RBFOX1: variants seen among roughly 807,000 people sequenced by gnomAD.
RBFOX1 encodes RNA binding protein fox-1 homolog 1.
In RBFOX1, 8 loss-of-function variants were observed where a neutral mutation model predicts 57.7. The observed-to-expected ratio is 0.14, with a 90% CI of 0.08 to 0.25. The LOEUF is 0.25. Ranked by LOEUF, RBFOX1 falls within the 10% of genes least tolerant of loss-of-function variation. RBFOX1 has a pLI of 1.00. For missense variants in RBFOX1, 611 were observed against 548.5 expected (o/e 1.11, Z -1.14); for synonymous variants, 326 against 222.4 (o/e 1.47, Z -4.15).
At chr16:5,870,744 A>C (rs1450928689) in intron 4 of RBFOX1, among the ~76,000 whole-genome samples, 3 of 152,018 alleles carry the variant, frequency 2.0e-5, no homozygotes, top group Non-Finnish European at 4.4e-5. Context: ...GCAATTCATC[A>C]AAACAAGCGA....
chr16:5,474,852 G>C (rs1291808269), intron 2 of RBFOX1, among the ~76,000 whole-genome samples: 1 of 152,140 alleles, frequency 6.6e-6, no homozygotes, highest in South Asian at 2.1e-4. Context: ...CATATTCTGA[G>C]CCCATGCTAT....
At chr16:6,544,929 A>C (rs1274653954) in intron 2 of RBFOX1, among the ~76,000 whole-genome samples, 1 of 152,166 alleles carries the variant, frequency 6.6e-6, no homozygotes, top group African/African-American at 2.4e-5. Flanking sequence ...ATTAGTTAAG[A>C]GTTTATTTTC....
intron 1 of RBFOX1, among the ~76,000 whole-genome samples, chr16:6,258,738 T>C (rs933114989): frequency 2.6e-5 from 4 of 152,170 alleles, no homozygotes; most frequent in Non-Finnish European, 5.9e-5. Context: ...CCATTGTAGA[T>C]TTAAAAATAA....
intron 2 of RBFOX1, among the ~76,000 whole-genome samples, chr16:6,613,024 T>TGTGTGTGTGTGA (rs1323976569): frequency 6.6e-6 from 1 of 150,708 alleles, no homozygotes; most frequent in African/African-American, 2.4e-5. Context: ...TGTGTGTGTG[T>TGTGTGTGTGTGA]GTGTGTGTGT....
chr16:6,539,505 C>G (rs142678208), intron 2 of RBFOX1, among the ~76,000 whole-genome samples: 278 of 152,138 alleles, frequency 1.8e-3, no homozygotes, highest in African/African-American at 6.5e-3. Context: ...TTCTTTAAAA[C>G]ACACACGTAC....
chr16:6,193,293 T>C, intron 1 of RBFOX1, among the ~76,000 whole-genome samples: 1 of 148,910 alleles, frequency 6.7e-6, no homozygotes, highest in Non-Finnish European at 1.5e-5. Flanking sequence ...TCAGATTATC[T>C]CTTCGTGGGA....
chr16:7,653,308 C>T (rs185465788), intron 11 of RBFOX1, among the ~76,000 whole-genome samples: 153 of 152,178 alleles, frequency 1.0e-3, no homozygotes, highest in Non-Finnish European at 1.4e-3. Context: ...CAAGACCAGC[C>T]GGGGCAACAA....
At chr16:5,824,719 G>A (rs2055976289) in intron 3 of RBFOX1, among the ~76,000 whole-genome samples, 2 of 152,174 alleles carry the variant, frequency 1.3e-5, no homozygotes, top group South Asian at 2.1e-4. Flanking sequence ...CTCTTCCCAC[G>A]CTGCAGGCTC....
At chr16:7,062,192 G>T (rs575376763) in intron 4 of RBFOX1, among the ~76,000 whole-genome samples, 7 of 151,640 alleles carry the variant, frequency 4.6e-5, no homozygotes, top group African/African-American at 1.7e-4. Context: ...GGTGGCGGGT[G>T]CCTGCAGTTC....
intron 3 of RBFOX1, among the ~76,000 whole-genome samples, chr16:6,849,186 G>C (rs1238330950): frequency 6.6e-6 from 1 of 152,188 alleles, no homozygotes; most frequent in African/African-American, 2.4e-5. Context: ...CTTGAATGTA[G>C]AGGAAAAATT....
chr16:5,491,750 G>A (rs2042836552), intron 2 of RBFOX1, among the ~76,000 whole-genome samples: 3 of 152,192 alleles, frequency 2.0e-5, no homozygotes. Flanking sequence ...CAGTGCTGGA[G>A]CCTGGCCCTT....
rs74678434 is a variant in RBFOX1 at position 6,547,127 on chromosome 16, G to A, written c.-63-107476G>A. On this transcript the variant is annotated intron_variant, in intron 2 of 15. Coordinates refer to ENST00000550418, the MANE Select transcript of RBFOX1 (RefSeq NM_018723.4). ...TTGCATTGAGAATAAAGTATCTGGC[G>A]CTCTTTTACTAAGATGCAAGCCATT... is the stretch of plus-strand genomic sequence containing the variant. Among the ~76,000 whole-genome samples the A allele has an allele frequency of 9.8e-3, 1,496 of 152,254 alleles. 38 individuals are homozygous for A. Among genetic ancestry groups the A allele is most frequent in the South Asian group, 0.072 (349 of 4,826 alleles).
chr16:6,886,066 CTTT>C lies in RBFOX1; in HGVS notation c.-15-165979_-15-165977del, dbSNP rs543955510. On this transcript the variant is annotated intron_variant, in intron 3 of 15. Transcript: ENST00000550418. The stretch of plus-strand genomic sequence containing the variant: ...TGTCCAGTGAAAGTATTTTTTTTTT[CTTT>C]TTTTTTTTTTTGAGACGGAGTCTCG... Among the ~76,000 whole-genome samples the C allele has an allele frequency of 4.6e-5, 6 of 129,056 alleles. No individual in the cohort carries two copies. In the East Asian group the frequency reaches 9.5e-4, roughly 20 times the overall value. 84.7% of individuals were successfully genotyped at this position (129,056 alleles called of 152,430 possible).
At chr16:5,993,103 C>T (rs1443363016) in intron 4 of RBFOX1, among the ~76,000 whole-genome samples, 3 of 152,134 alleles carry the variant, frequency 2.0e-5, no homozygotes, top group Non-Finnish European at 4.4e-5. Flanking sequence ...CTGTCTAAAA[C>T]TGAAAGAGAT....
Position 7,621,778 on chromosome 16 carries a change from A to G in RBFOX1, c.677-8825A>G, listed in dbSNP as rs138572678. On this transcript the variant is annotated intron_variant, in intron 10 of 15. Transcript: ENST00000550418. ...GACAGTTACTGTTAGTATTTTTGCA[A>G]GCAGTAAAGGGATCTTAGAACACTG... Among the ~76,000 whole-genome samples, 1,047 of 152,296 alleles carry G rather than the reference A, an allele frequency of 6.9e-3. 3 individuals are homozygous for G. The highest frequency in any genetic ancestry group is 0.011 in the Non-Finnish European group (762 of 68,014).
At chr16:5,450,819 A>G (rs62016403) in intron 1 of RBFOX1, among the ~76,000 whole-genome samples, 62,871 of 151,526 alleles carry the variant, frequency 0.41, 13,543 homozygotes, top group Non-Finnish European at 0.47. Context: ...CAGAGCTAGA[A>G]GTGTGCACCA....
intron 4 of RBFOX1, among the ~76,000 whole-genome samples, chr16:7,141,472 C>T (rs561990604): frequency 6.6e-6 from 1 of 152,208 alleles, no homozygotes; most frequent in Non-Finnish European, 1.5e-5. Flanking sequence ...GGAAAATGCG[C>T]AGCAGTCAAT....
chr16:6,270,432 A>G (rs1011926317), intron 1 of RBFOX1, among the ~76,000 whole-genome samples: 3 of 149,376 alleles, frequency 2.0e-5, no homozygotes, highest in African/African-American at 7.5e-5. Flanking sequence ...AGGAGTAGCT[A>G]TATTATCAGA....
chr16:6,858,296 G>GT (rs1339407597), intron 3 of RBFOX1, among the ~76,000 whole-genome samples: 1 of 152,186 alleles, frequency 6.6e-6, no homozygotes, highest in Non-Finnish European at 1.5e-5. Context: ...CCCTCTCTGT[G>GT]TTGAGAGACT....
Sources: gnomAD v4.1 joint callset for allele counts (sites outside exome capture counted in the v4.1 genomes callset) on GRCh38, gnomAD v4.1.1 for gene constraint, MANE v1.5 for transcripts, NCBI Gene and HGNC (gene_info 2026-07-23, HGNC 2026-07-21) for gene names.